SLC4A8: variants seen among roughly 807,000 people sequenced by gnomAD.
SLC4A8 encodes the protein solute carrier family 4 member 8, also known as electroneutral sodium bicarbonate exchanger 1.
A neutral mutation model predicts 125.0 loss-of-function variants in SLC4A8; 40 were observed. That is an observed-to-expected ratio of 0.32 (90% confidence interval 0.25 to 0.42). SLC4A8 has a LOEUF of 0.42. Ranked by LOEUF, SLC4A8 falls within the 10% of genes least tolerant of loss-of-function variation. The pLI, the probability that SLC4A8 is intolerant of heterozygous loss-of-function variation, is 1.00. For synonymous variants in SLC4A8, 456 were observed against 476.0 expected (o/e 0.96, Z 0.55); for missense variants, 863 against 1,355.1 (o/e 0.64, Z 5.70).
intron 2 of SLC4A8, among the ~76,000 whole-genome samples, chr12:51,447,828 T>C (rs561341848): frequency 7.6e-4 from 115 of 151,368 alleles, no homozygotes; most frequent in African/African-American, 2.7e-3. Context: ...GCCATTCTCC[T>C]GCCTCAGCCT....
At position 51,435,054 on chromosome 12, in the gene SLC4A8, A is replaced by G. The variant is rs536693111; in HGVS notation, c.49-5654A>G. 4.6e-5 allele frequency among the ~76,000 whole-genome samples: 7 copies of G among 152,254 alleles called. No individual in the cohort carries two copies. The South Asian group carries it at 1.5e-3, about 32-fold the overall frequency. ...TCTGGATTTTGCTGATTGTATTCCC[A>G]TGGTGTTGTTTTTCAAGGAACTCTG... On this transcript the variant is annotated intron_variant, in intron 1 of 24. Transcript: ENST00000453097.
chr12:51,415,900 C>T (rs1477569623), intron 1 of SLC4A8, among the ~76,000 whole-genome samples: 1 of 149,302 alleles, frequency 6.7e-6, no homozygotes, highest in Non-Finnish European at 1.5e-5. Context: ...GCAAATGTAC[C>T]CCCGAATCTA....
chr12:51,488,582 T>C (rs1951220952), intron 17 of SLC4A8, 117 bp from the exon 18 acceptor site: 4 of 767,134 alleles, frequency 5.2e-6, no homozygotes, highest in Non-Finnish European at 8.0e-6. Context: ...TTTTTTTTTT[T>C]TTTTTAAGAA....
chr12:51,466,869 T>G (rs1046794443), intron 11 of SLC4A8, among the ~76,000 whole-genome samples: 1 of 152,166 alleles, frequency 6.6e-6, no homozygotes, highest in Non-Finnish European at 1.5e-5. Flanking sequence ...TTTTGTCTGT[T>G]GCTCACAGAC....
chr12:51,451,749 CT>C (rs1430137693), intron 3 of SLC4A8, among the ~76,000 whole-genome samples: 1 of 149,744 alleles, frequency 6.7e-6, no homozygotes, highest in East Asian at 2.0e-4. Flanking sequence ...AAGGTGGCTA[CT>C]ATAAAACCAA....
chr12:51,424,049 AAAAAC>A (rs1948867171), upstream of SLC4A8, among the ~76,000 whole-genome samples: 1 of 51,892 alleles, frequency 1.9e-5, no homozygotes, highest in Non-Finnish European at 4.2e-5. Flanking sequence ...AAAAAAAAAA[AAAAAC>A]AAAAAAAACA....
intron 17 of SLC4A8, among the ~76,000 whole-genome samples, chr12:51,486,563 C>T (rs1318890690): frequency 6.6e-6 from 1 of 152,128 alleles, no homozygotes; most frequent in East Asian, 1.9e-4. Flanking sequence ...AGTTTGGGAG[C>T]ACTGACTAAG....
intron 1 of SLC4A8, among the ~76,000 whole-genome samples, chr12:51,400,776 A>T (rs1373523135): frequency 1.9e-4 from 1 of 5,148 alleles, no homozygotes; most frequent in Non-Finnish European, 3.2e-4. Flanking sequence ...ATATATATAT[A>T]TACATACATA....
intron 1 of SLC4A8, among the ~76,000 whole-genome samples, chr12:51,408,567 G>A (rs904826010): frequency 5.9e-5 from 9 of 152,154 alleles, no homozygotes; most frequent in Admixed American, 5.9e-4. Context: ...ATGTGGTGGT[G>A]GAGCTTTGAG....
chr12:51,454,602 A>G (rs899984663), intron 5 of SLC4A8, among the ~76,000 whole-genome samples: 36 of 85,740 alleles, frequency 4.2e-4, no homozygotes, highest in African/African-American at 1.6e-3. Flanking sequence ...GTGCTTTTAG[A>G]TATGCATACA....
chr12:51,511,111 C>T lies in SLC4A8; in HGVS notation c.*3673C>T, dbSNP rs1366814614. The T allele has an allele frequency of 2.0e-5, 3 of 152,206 alleles. No homozygotes were observed. Among genetic ancestry groups the T allele is most frequent in the African/African-American group, 7.2e-5 (3 of 41,450 alleles). 9.4% of individuals were successfully genotyped at this position (152,206 alleles called of 1,614,324 possible). On this transcript the variant is annotated 3_prime_UTR_variant, in exon 25 of 25. Coordinates refer to ENST00000453097, the MANE Select transcript of SLC4A8 (RefSeq NM_001039960.3). Reference sequence around the variant, plus strand: ...ATGTTGATTGGCCAACCTGTCTGAGCTTTCAGCAGATGCATCCTTGAGCTT... The same window carrying T: ...ATGTTGATTGGCCAACCTGTCTGAGTTTTCAGCAGATGCATCCTTGAGCTT...
rs989858101 is a variant in SLC4A8 at position 51,453,522 on chromosome 12, A to G, written c.414-17A>G. 9 of 1,609,786 alleles carry G rather than the reference A, an allele frequency of 5.6e-6. No individual in the cohort carries two copies. The highest frequency in any genetic ancestry group is 1.6e-4 in the Middle Eastern group (1 of 6,062). On this transcript the variant is annotated splice_polypyrimidine_tract_variant and intron_variant, in intron 4 of 24. Transcript: ENST00000453097. ...CATTTTCTATCTTTGGCATCTAGTTATTTGTAATGCTTTCAGGTGGCTGAA... is the reference window on the plus strand; with the variant it reads ...CATTTTCTATCTTTGGCATCTAGTTGTTTGTAATGCTTTCAGGTGGCTGAA...
At chr12:51,469,836 A>C in intron 12 of SLC4A8, 48 bp downstream of exon 12, 1 of 1,581,600 alleles carries the variant, frequency 6.3e-7, no homozygotes, top group Non-Finnish European at 8.7e-7. Flanking sequence ...GACCTAAAAT[A>C]TTGTGGCGGC....
chr12:51,492,501 C>T (rs1951344096), intron 19 of SLC4A8, among the ~76,000 whole-genome samples: 1 of 152,206 alleles, frequency 6.6e-6, no homozygotes, highest in African/African-American at 2.4e-5. Flanking sequence ...GTTGCTGCTT[C>T]TCCAAGATAG....
chr12:51,461,147 C>G, intron 8 of SLC4A8, 57 bp from the exon 9 acceptor site: 1 of 835,378 alleles, frequency 1.2e-6, no homozygotes, highest in South Asian at 1.4e-5. Flanking sequence ...TTAGAGAGGA[C>G]TAATGGCACT....
rs913348388 is a variant in SLC4A8 at position 51,507,359 on chromosome 12, G to A, written c.3270-67G>A. 26 of 1,077,972 alleles carry A rather than the reference G, an allele frequency of 2.4e-5. No individual in the cohort carries two copies. The Middle Eastern group carries it at 1.1e-3, about 46-fold the overall frequency. 66.8% of individuals were successfully genotyped at this position (1,077,972 alleles called of 1,614,324 possible). A position where few individuals can be genotyped will look rare whatever the true frequency, so the allele number is the denominator to read the frequency against. ...TCCAAATTGTGGTGACATCTTCAAA[G>A]TATTGTGTTAAAAGGAGGAATGAAT... is the stretch of plus-strand genomic sequence containing the variant. On this transcript the variant is annotated intron_variant, in intron 24 of 24. Transcript: ENST00000453097.
chr12:51,396,925 A>ATTTTTTTT (rs753146267), intron 1 of SLC4A8, among the ~76,000 whole-genome samples: 57 of 106,294 alleles, frequency 5.4e-4, no homozygotes, highest in African/African-American at 7.4e-4. Flanking sequence ...GCCTTAGTTA[A>ATTTTTTTT]TTTTTTTTTT....
intron 24 of SLC4A8, among the ~76,000 whole-genome samples, chr12:51,506,733 C>T (rs577615861): frequency 5.3e-5 from 8 of 152,248 alleles, no homozygotes; most frequent in East Asian, 1.9e-4. Flanking sequence ...TGCACCCGGC[C>T]GTAACTGTTT....
rs10713642 is a variant in SLC4A8, at chr12:51,510,423, CAA to C, written c.*3005_*3006del. 2,528 of 85,852 alleles carry C rather than the reference CAA, an allele frequency of 0.029. 31 individuals carry two copies. The highest frequency in any genetic ancestry group is 0.041 in the African/African-American group (982 of 23,832). The allele number at this position is 85,852 out of a possible 1,614,324, so 5.3% of individuals were successfully genotyped here. ...TGGGTGACAGAGCAAGACTCCATTT[CAA>C]AAAAAAAAAAAAAAAAAAACTTCCC... is the stretch of plus-strand genomic sequence containing the variant. On this transcript the variant is annotated 3_prime_UTR_variant, in exon 25 of 25. Transcript: ENST00000453097.
Sources: gnomAD v4.1 joint callset for allele counts (sites outside exome capture counted in the v4.1 genomes callset) on GRCh38, gnomAD v4.1.1 for gene constraint, MANE v1.5 for transcripts, NCBI Gene and HGNC (gene_info 2026-07-23, HGNC 2026-07-21) for gene names.